SGCD: variants seen among roughly 807,000 people sequenced by gnomAD.
SGCD encodes the protein delta-sarcoglycan.
A neutral mutation model predicts 36.6 loss-of-function variants in SGCD; 18 were observed. The ratio of observed to expected loss-of-function variants is 0.49; its 90% CI spans 0.34 to 0.73. The LOEUF (loss-of-function observed/expected upper bound fraction) is 0.73, where lower values mean the gene tolerates loss of function less well. Among genes scored for constraint, SGCD ranks in the 30% least tolerant of loss-of-function variants. The pLI is 0.01. For synonymous variants in SGCD, 133 were observed against 130.6 expected (o/e 1.02, Z -0.12); for missense variants, 387 against 346.7 (o/e 1.12, Z -0.92).
intron 3 of SGCD, among the ~76,000 whole-genome samples, chr5:156,226,638 T>C (rs747478604): frequency 1.2e-3 from 189 of 152,178 alleles, no homozygotes; most frequent in Non-Finnish European, 1.2e-3. Flanking sequence ...TTAAGGAATA[T>C]CCACAGTTTT....
intron 7 of SGCD, among the ~76,000 whole-genome samples, chr5:156,654,915 A>T (rs1763614765): frequency 6.6e-6 from 1 of 152,180 alleles, no homozygotes; most frequent in Non-Finnish European, 1.5e-5. Context: ...GCTTTACATG[A>T]GATTTATTTC....
chr5:156,567,377 AATAGATAGATAGATAGATAG>A (rs35083006), intron 4 of SGCD, among the ~76,000 whole-genome samples: 32 of 131,858 alleles, frequency 2.4e-4, no homozygotes, highest in East Asian at 7.0e-4. Flanking sequence ...TGGATAGATA[AATAGATAGATAGATAGATAG>A]ATAGATAGAT....
chr5:155,800,141 G>A, the SGCD span, among the ~76,000 whole-genome samples: 1 of 151,742 alleles, frequency 6.6e-6, no homozygotes, highest in Non-Finnish European at 1.5e-5. Flanking sequence ...TGTTTTTCTG[G>A]GATAGTTTAA....
intron 3 of SGCD, among the ~76,000 whole-genome samples, chr5:156,134,652 C>T (rs1360064912): frequency 6.8e-6 from 1 of 146,276 alleles, no homozygotes; most frequent in Non-Finnish European, 1.5e-5. Context: ...ACCATGAGAA[C>T]ACTTGGACAC....
At chr5:155,977,994 T>C (rs961243319) in intron 1 of SGCD, among the ~76,000 whole-genome samples, 3 of 152,040 alleles carry the variant, frequency 2.0e-5, no homozygotes, top group Non-Finnish European at 4.4e-5. Context: ...CTCGGGATCC[T>C]GAGGCAGGGG....
At chr5:156,448,914 C>G (rs973041907) in intron 3 of SGCD, among the ~76,000 whole-genome samples, 3 of 151,312 alleles carry the variant, frequency 2.0e-5, no homozygotes, top group African/African-American at 7.3e-5. Context: ...CCCACCACAC[C>G]CAGCTAATTT....
chr5:155,991,362 G>C lies in SGCD; in HGVS notation c.-282+120938G>C, dbSNP rs116261100. Among the ~76,000 whole-genome samples the C allele has an allele frequency of 7.6e-3, 1,158 of 152,198 alleles. 10 individuals carry two copies. Among genetic ancestry groups the C allele is most frequent in the African/African-American group, 0.027 (1,107 of 41,506 alleles). On this transcript the variant is annotated intron_variant, in intron 1 of 9. Transcript: ENST00000517913. ...TGAAGCATCTTTGTGTAATTGATGG[G>C]TTAGTATCTCAAGTACCGAGCTGTT...
intron 3 of SGCD, among the ~76,000 whole-genome samples, chr5:156,455,393 C>T (rs1490213381): frequency 6.6e-6 from 1 of 152,070 alleles, no homozygotes; most frequent in East Asian, 1.9e-4. Context: ...ATAATATCTT[C>T]CCCAGGTACC....
At chr5:156,713,546 A>G (rs1755093347) in intron 7 of SGCD, among the ~76,000 whole-genome samples, 3 of 152,118 alleles carry the variant, frequency 2.0e-5, no homozygotes, top group Non-Finnish European at 4.4e-5. Flanking sequence ...CTCTGTCAGA[A>G]CCTTATATTG....
the SGCD span, among the ~76,000 whole-genome samples, chr5:155,750,870 G>C: frequency 6.6e-6 from 1 of 152,072 alleles, no homozygotes; most frequent in Non-Finnish European, 1.5e-5. Flanking sequence ...CCCACAGCCT[G>C]TTGTATTCAT....
At chr5:156,359,061 G>A (rs1380485055) in intron 3 of SGCD, among the ~76,000 whole-genome samples, 1 of 152,100 alleles carries the variant, frequency 6.6e-6, no homozygotes, top group Non-Finnish European at 1.5e-5. Flanking sequence ...TAGAAATAGG[G>A]AAAAGTCATG....
intron 6 of SGCD, among the ~76,000 whole-genome samples, chr5:156,637,177 A>G (rs1313103217): frequency 2.6e-5 from 4 of 151,986 alleles, no homozygotes; most frequent in Non-Finnish European, 5.9e-5. Flanking sequence ...TTTGCTCAGC[A>G]CTTCTCTCTC....
chr5:156,451,620 G>A (rs1183418282), intron 3 of SGCD, among the ~76,000 whole-genome samples: 1 of 152,100 alleles, frequency 6.6e-6, no homozygotes, highest in Non-Finnish European at 1.5e-5. Context: ...TACCAAGCCT[G>A]GAGAAGTTTT....
At chr5:156,432,275 A>G (rs1753054805) in intron 3 of SGCD, among the ~76,000 whole-genome samples, 1 of 152,230 alleles carries the variant, frequency 6.6e-6, no homozygotes, top group Admixed American at 6.5e-5. Flanking sequence ...TCACAAGGAC[A>G]GACTCAGGAC....
intron 3 of SGCD, among the ~76,000 whole-genome samples, chr5:156,214,124 T>G (rs1476898408): frequency 6.6e-6 from 1 of 151,782 alleles, no homozygotes; most frequent in Non-Finnish European, 1.5e-5. Flanking sequence ...ACAGGAAAAA[T>G]AAATAAAAGG....
At chr5:155,792,921 T>G in the SGCD span, among the ~76,000 whole-genome samples, 1 of 152,064 alleles carries the variant, frequency 6.6e-6, no homozygotes, top group African/African-American at 2.4e-5. Flanking sequence ...AAAAGGAAAA[T>G]AAATGGTTCT....
At chr5:156,472,462 G>T (rs1322971491) in intron 3 of SGCD, among the ~76,000 whole-genome samples, 1 of 152,088 alleles carries the variant, frequency 6.6e-6, no homozygotes, top group Non-Finnish European at 1.5e-5. Flanking sequence ...CTGTAACCCA[G>T]TCTGGAGTGC....
At chr5:156,104,939 T>C (rs1176098256) in intron 1 of SGCD, among the ~76,000 whole-genome samples, 1 of 152,108 alleles carries the variant, frequency 6.6e-6, no homozygotes, top group Non-Finnish European at 1.5e-5. Flanking sequence ...TAAATGTTAG[T>C]TGAACAATGA....
intron 4 of SGCD, among the ~76,000 whole-genome samples, chr5:156,581,740 A>T (rs976248483): frequency 3.9e-5 from 6 of 152,214 alleles, no homozygotes; most frequent in African/African-American, 1.4e-4. Context: ...GGCATGGGAT[A>T]TAACCTCCCG....
Sources: allele counts gnomAD v4.1 joint callset (sites outside exome capture counted in the v4.1 genomes callset), GRCh38; gene constraint gnomAD v4.1.1; transcripts MANE v1.5; gene names NCBI Gene and HGNC (gene_info 2026-07-23, HGNC 2026-07-21).